Variants in PCDH15 observed in about 807,000 individuals in gnomAD.
PCDH15 encodes the protein protocadherin related 15, also known as protocadherin-15.
A neutral mutation model predicts 178.5 loss-of-function variants in PCDH15; 129 were observed. The ratio of observed to expected loss-of-function variants is 0.72; its 90% CI spans 0.63 to 0.84. PCDH15 has a LOEUF of 0.84. Ranked by LOEUF, PCDH15 falls within the 40% of genes least tolerant of loss-of-function variation. PCDH15 has a pLI of 0.00. For synonymous variants in PCDH15, 800 were observed against 732.0 expected (o/e 1.09, Z -1.50); for missense variants, 2,230 against 2,099.9 (o/e 1.06, Z -1.21).
chr10:54,052,428 T>C (rs1016940516), intron 18 of PCDH15, among the ~76,000 whole-genome samples: 19 of 152,202 alleles, frequency 1.2e-4, no homozygotes, highest in African/African-American at 2.9e-4. Flanking sequence ...AGGAGGTCAT[T>C]TTGAAACTTT....
intron 25 of PCDH15, among the ~76,000 whole-genome samples, chr10:53,918,952 C>G (rs781583844): frequency 5.3e-5 from 8 of 152,166 alleles, no homozygotes; most frequent in Non-Finnish European, 1.2e-4. Context: ...CTTGTCTTTT[C>G]TAGCTTCTAG....
chr10:54,152,963 G>C, intron 14 of PCDH15, 137 bp downstream of exon 14: 1 of 1,064,516 alleles, frequency 9.4e-7, no homozygotes, highest in Non-Finnish European at 1.4e-6. Context: ...TGCAGTTCCT[G>C]AGAATCTGGT....
chr10:55,180,737 A>T (rs534175919), intron 1 of PCDH15, among the ~76,000 whole-genome samples: 1 of 152,198 alleles, frequency 6.6e-6, no homozygotes, highest in Non-Finnish European at 1.5e-5. Flanking sequence ...TCATGAAATT[A>T]AATCAAATGT....
intron 2 of PCDH15, among the ~76,000 whole-genome samples, chr10:55,352,771 A>C (rs1844971542): frequency 6.6e-6 from 1 of 152,080 alleles, no homozygotes; most frequent in African/African-American, 2.4e-5. Context: ...ACCGGTGATG[A>C]CCAGCTGAGT....
chr10:55,124,088 T>A (rs1027853607), intron 2 of PCDH15, among the ~76,000 whole-genome samples: 2 of 152,126 alleles, frequency 1.3e-5, no homozygotes, highest in African/African-American at 4.8e-5. Context: ...CTAATACAAA[T>A]CATACCTGGG....
At chr10:55,263,221 C>G (rs771176316) in intron 1 of PCDH15, among the ~76,000 whole-genome samples, 2 of 152,128 alleles carry the variant, frequency 1.3e-5, no homozygotes, top group Non-Finnish European at 2.9e-5. Flanking sequence ...CCATCCTAAC[C>G]GGTCTGGTAA....
At chr10:54,163,534 A>T (rs190264531) in intron 13 of PCDH15, among the ~76,000 whole-genome samples, 1 of 152,230 alleles carries the variant, frequency 6.6e-6, no homozygotes, top group East Asian at 1.9e-4. Flanking sequence ...ACCTTCCACT[A>T]GGCCCCTACT....
At chr10:55,620,249 T>C (rs187841556) in intron 2 of PCDH15, among the ~76,000 whole-genome samples, 17 of 152,206 alleles carry the variant, frequency 1.1e-4, no homozygotes, top group African/African-American at 3.8e-4. Flanking sequence ...ACACATGACA[T>C]ATTTCACAAA....
At chr10:53,889,088 C>T (rs932830504) in intron 26 of PCDH15, among the ~76,000 whole-genome samples, 3 of 150,832 alleles carry the variant, frequency 2.0e-5, no homozygotes, top group African/African-American at 7.3e-5. Context: ...CCCATATGGA[C>T]TGTAAATCTA....
intron 1 of PCDH15, among the ~76,000 whole-genome samples, chr10:55,245,869 C>T (rs1216194986): frequency 6.6e-6 from 1 of 152,138 alleles, no homozygotes; most frequent in Non-Finnish European, 1.5e-5. Context: ...TCAGAGTAGA[C>T]AGCAAATTCA....
rs1839180081 is a variant in PCDH15, at chr10:55,165,738, A to G, written c.-80+838T>C. Among the ~76,000 whole-genome samples, 3 of 152,028 alleles carry G rather than the reference A, an allele frequency of 2.0e-5. No individual in the cohort carries two copies. The South Asian group carries it at 6.2e-4, about 31-fold the overall frequency. On this transcript the variant is annotated intron_variant, in intron 2 of 5. Transcript: ENST00000458638. ...TAAGCAGTCATGTGTTTATATACAC[A>G]TAACATATATGTGTATCATAAATTG...
At chr10:55,296,121 G>T (rs1843125357) in intron 1 of PCDH15, among the ~76,000 whole-genome samples, 1 of 152,190 alleles carries the variant, frequency 6.6e-6, no homozygotes, top group Admixed American at 6.5e-5. Context: ...CATGGGGCAA[G>T]GTGTGGATTA....
intron 3 of PCDH15, among the ~76,000 whole-genome samples, chr10:54,881,388 T>G (rs1954259557): frequency 6.6e-6 from 1 of 152,170 alleles, no homozygotes; most frequent in African/African-American, 2.4e-5. Flanking sequence ...TTAGTTCATT[T>G]TCTATTTGAG....
intron 9 of PCDH15, among the ~76,000 whole-genome samples, chr10:54,225,449 C>A (rs545830097): frequency 6.6e-6 from 1 of 152,240 alleles, no homozygotes; most frequent in South Asian, 2.1e-4. Flanking sequence ...TCTTCCTTAC[C>A]TTAGAACGTC....
At chr10:55,581,424 G>T (rs977700397) in intron 2 of PCDH15, among the ~76,000 whole-genome samples, 1 of 151,310 alleles carries the variant, frequency 6.6e-6, no homozygotes, top group Non-Finnish European at 1.5e-5. Context: ...AATCTAAATA[G>T]ATATCCAGTT....
At chr10:54,299,325 G>C (rs1447368015) in intron 8 of PCDH15, among the ~76,000 whole-genome samples, 1 of 150,680 alleles carries the variant, frequency 6.6e-6, no homozygotes, top group Non-Finnish European at 1.5e-5. Context: ...GTCAGAAAGA[G>C]AAAGACAGAC....
chr10:55,303,723 T>A lies in PCDH15; in HGVS notation c.-156+15876A>T, dbSNP rs537480621. 3.3e-5 allele frequency among the ~76,000 whole-genome samples: 5 copies of A among 152,244 alleles called. No homozygotes were observed. In the East Asian group the frequency reaches 9.6e-4, roughly 29 times the overall value. On this transcript the variant is annotated intron_variant, in intron 1 of 5. Transcript: ENST00000458638. ...AGTTGTTTGTAATATTATCTTATTA[T>A]CCTTTTGATATCTATAGAGTCTTTA...
intron 2 of PCDH15, among the ~76,000 whole-genome samples, chr10:55,621,013 G>A (rs1339278854): frequency 6.6e-6 from 1 of 151,504 alleles, no homozygotes; most frequent in Non-Finnish European, 1.5e-5. Flanking sequence ...AAACTGTTCT[G>A]AATATATATA....
intron 2 of PCDH15, among the ~76,000 whole-genome samples, chr10:54,618,675 C>T (rs996677042): frequency 6.6e-6 from 1 of 151,828 alleles, no homozygotes. Flanking sequence ...TGTATATATG[C>T]GTGTGTGGCT....
Sources: gnomAD v4.1 joint callset for allele counts (sites outside exome capture counted in the v4.1 genomes callset) on GRCh38, gnomAD v4.1.1 for gene constraint, MANE v1.5 for transcripts, NCBI Gene and HGNC (gene_info 2026-07-23, HGNC 2026-07-21) for gene names.